Variants in ART3 observed in about 807,000 individuals in gnomAD.
ART3 encodes ADP-ribosyltransferase 3 (inactive).
A neutral mutation model predicts 48.5 loss-of-function variants in ART3; 49 were observed. The observed-to-expected ratio is 1.01, with a 90% CI of 0.80 to 1.28. The LOEUF (loss-of-function observed/expected upper bound fraction) is 1.28. ART3 is among the 50% of genes most tolerant of loss of function. The pLI, the probability that ART3 is intolerant of heterozygous loss-of-function variation, is 0.00. For synonymous variants in ART3, 145 were observed against 157.2 expected (o/e 0.92, Z 0.58); for missense variants, 438 against 454.3 (o/e 0.96, Z 0.33).
intron 9 of ART3, 25 bp from the exon 10 acceptor site, chr4:76,104,572 C>G (rs371626323): frequency 1.0e-5 from 16 of 1,551,376 alleles, no homozygotes; most frequent in Non-Finnish European, 1.4e-5. Flanking sequence ...AACTGTAAGT[C>G]ATTGGAAACT....
intron 1 of ART3, among the ~76,000 whole-genome samples, chr4:76,063,797 T>C (rs1428245671): frequency 6.6e-6 from 1 of 152,196 alleles, no homozygotes; most frequent in African/African-American, 2.4e-5. Context: ...ACATTGAATT[T>C]ATACAAATCT....
Position 76,099,118 on chromosome 4 carries a change from A to G in ART3, c.847+131A>G, listed in dbSNP as rs771013199. The G allele has an allele frequency of 2.2e-5, 17 of 783,844 alleles. No homozygotes were observed. In the African/African-American group the frequency reaches 2.8e-4, roughly 13 times the overall value. The allele number at this position is 783,844 out of a possible 1,614,324, so 48.6% of individuals were successfully genotyped here. On this transcript the variant is annotated intron_variant, in intron 5 of 11. Coordinates refer to ENST00000355810, the MANE Select transcript of ART3 (RefSeq NM_001130016.3). ...GGAGTTTGAGACCAGCCTGGGCAAC[A>G]TGGCGGAACCCCATCTCTACAAAAA...
intron 3 of ART3, among the ~76,000 whole-genome samples, chr4:76,092,003 C>T (rs368924358): frequency 3.9e-5 from 6 of 152,178 alleles, no homozygotes; most frequent in African/African-American, 1.4e-4. Flanking sequence ...ATTCCAGTAT[C>T]ATATATTGAT....
intron 1 of ART3, among the ~76,000 whole-genome samples, chr4:76,064,407 T>C (rs1719513746): frequency 6.6e-6 from 1 of 152,234 alleles, no homozygotes; most frequent in Admixed American, 6.5e-5. Flanking sequence ...TCATTTGATC[T>C]TGACATAAAA....
At chr4:76,022,861 AT>A in intron 1 of ART3, 1 of 1,577,376 alleles carries the variant, frequency 6.3e-7, no homozygotes, top group Non-Finnish European at 8.6e-7. Flanking sequence ...CACAGTGTTC[AT>A]TTTAGGCATT....
chr4:76,027,921 CAGAT>C (rs1021708511), intron 1 of ART3, among the ~76,000 whole-genome samples: 36 of 150,724 alleles, frequency 2.4e-4, no homozygotes, highest in Non-Finnish European at 4.3e-4. Flanking sequence ...AACCAAATCT[CAGAT>C]AGACTAAGAT....
intron 1 of ART3, chr4:76,034,550 T>A: frequency 1.9e-6 from 1 of 519,660 alleles, no homozygotes; most frequent in Non-Finnish European, 3.3e-6. Flanking sequence ...ATCCATTTAA[T>A]TGTTGGACTC....
intron 1 of ART3, among the ~76,000 whole-genome samples, chr4:76,028,326 C>T (rs542447636): frequency 3.1e-4 from 47 of 152,168 alleles, no homozygotes; most frequent in Non-Finnish European, 5.3e-4. Flanking sequence ...GGTATAATCA[C>T]GTTCCTAGAA....
intron 10 of ART3, chr4:76,107,467 A>T: frequency 4.5e-6 from 1 of 221,038 alleles, no homozygotes; most frequent in Non-Finnish European, 8.8e-6. Context: ...ACTCAATAGT[A>T]GGTATTAATG....
At chr4:76,021,799 C>T in intron 1 of ART3, 1 of 890,926 alleles carries the variant, frequency 1.1e-6, no homozygotes, top group Non-Finnish European at 1.9e-6. Flanking sequence ...TCATTGGTCA[C>T]CTTTTAGTGT....
chr4:76,096,630 A>G (rs1726073687), intron 3 of ART3, among the ~76,000 whole-genome samples: 1 of 152,182 alleles, frequency 6.6e-6, no homozygotes. Context: ...CTGTCTCACT[A>G]ACCTTCTTAC....
At chr4:76,052,300 A>G (rs1736186332) in intron 1 of ART3, among the ~76,000 whole-genome samples, 1 of 152,176 alleles carries the variant, frequency 6.6e-6, no homozygotes, top group South Asian at 2.1e-4. Flanking sequence ...CAATGCTCAC[A>G]TTTTATAAGG....
chr4:76,046,757 T>C (rs1735542081), intron 1 of ART3, among the ~76,000 whole-genome samples: 1 of 151,944 alleles, frequency 6.6e-6, no homozygotes, highest in Non-Finnish European at 1.5e-5. Context: ...TGTGGGACTT[T>C]CAGGAATAAC....
chr4:76,024,576 C>A (rs1048463403), intron 1 of ART3, among the ~76,000 whole-genome samples: 1 of 152,124 alleles, frequency 6.6e-6, no homozygotes, highest in African/African-American at 2.4e-5. Flanking sequence ...TATAATGGAA[C>A]ACATGTTGAA....
intron 1 of ART3, among the ~76,000 whole-genome samples, chr4:76,046,687 C>G (rs1195580658): frequency 1.3e-5 from 2 of 151,926 alleles, no homozygotes; most frequent in South Asian, 4.2e-4. Flanking sequence ...GTAACTTTTT[C>G]CCCATATTCA....
intron 1 of ART3, among the ~76,000 whole-genome samples, chr4:76,014,152 T>G (rs1470372742): frequency 6.6e-6 from 1 of 152,114 alleles, no homozygotes; most frequent in Non-Finnish European, 1.5e-5. Flanking sequence ...CCTCAGAAGG[T>G]GACTGTATTT....
chr4:76,033,365 T>C (rs1459631034), intron 1 of ART3, among the ~76,000 whole-genome samples: 1 of 152,212 alleles, frequency 6.6e-6, no homozygotes, highest in Admixed American at 6.5e-5. Context: ...ATCTTTGTGA[T>C]GCCAGCTGGA....
At chr4:76,089,725 GCTAGTA>G (rs1724421355) in intron 3 of ART3, among the ~76,000 whole-genome samples, 3 of 92,986 alleles carry the variant, frequency 3.2e-5, no homozygotes, top group African/African-American at 1.6e-4. Context: ...TCTACCTCAA[GCTAGTA>G]GTTCACACGG....
At chr4:76,013,427 TTA>T (rs200627673) in intron 1 of ART3, among the ~76,000 whole-genome samples, 171 of 152,000 alleles carry the variant, frequency 1.1e-3, no homozygotes, top group African/African-American at 3.9e-3. Context: ...AACATGAGAT[TTA>T]TATATACACA....
Sources: allele counts gnomAD v4.1 joint callset (sites outside exome capture counted in the v4.1 genomes callset), GRCh38; gene constraint gnomAD v4.1.1; transcripts MANE v1.5; gene names NCBI Gene and HGNC (gene_info 2026-07-23, HGNC 2026-07-21).